SND1: variants seen among roughly 807,000 people sequenced by gnomAD.
SND1 encodes staphylococcal nuclease and tudor domain containing 1, also known as staphylococcal nuclease domain-containing protein 1.
A neutral mutation model predicts 121.7 loss-of-function variants in SND1; 38 were observed. The ratio of observed to expected loss-of-function variants is 0.31; its 90% confidence interval spans 0.24 to 0.41. SND1 has a LOEUF of 0.41. Among genes scored for constraint, SND1 ranks in the 10% least tolerant of loss-of-function variants. The pLI, the probability that SND1 is intolerant of heterozygous loss-of-function variation, is 1.00. For synonymous variants in SND1, 401 were observed against 447.4 expected (o/e 0.90, Z 1.31); for missense variants, 868 against 1,184.6 (o/e 0.73, Z 3.92).
chr7:127,944,852 A>G (rs1801291129), intron 15 of SND1, among the ~76,000 whole-genome samples: 2 of 152,148 alleles, frequency 1.3e-5, no homozygotes, highest in Non-Finnish European at 2.9e-5. Flanking sequence ...GGGTAATGCC[A>G]CCTCGTATAA....
At chr7:127,834,199 CT>C (rs972813683) in intron 11 of SND1, among the ~76,000 whole-genome samples, 7 of 152,170 alleles carry the variant, frequency 4.6e-5, no homozygotes, top group Non-Finnish European at 7.3e-5. Context: ...TCCAATTCCA[CT>C]GATGTATACC....
chr7:127,866,162 A>G (rs1799471306), intron 12 of SND1, among the ~76,000 whole-genome samples: 1 of 152,196 alleles, frequency 6.6e-6, no homozygotes, highest in South Asian at 2.1e-4. Context: ...CATATCGGCC[A>G]GACATACTGA....
At chr7:127,758,734 G>A (rs1228407397) in intron 10 of SND1, among the ~76,000 whole-genome samples, 2 of 152,070 alleles carry the variant, frequency 1.3e-5, no homozygotes, top group Non-Finnish European at 2.9e-5. Context: ...AATTTTCAAA[G>A]GGAGGAGATA....
intron 1 of SND1, among the ~76,000 whole-genome samples, chr7:127,661,611 T>C (rs1316158334): frequency 2.0e-5 from 3 of 152,164 alleles, no homozygotes; most frequent in Non-Finnish European, 4.4e-5. Context: ...AAAATAATTC[T>C]CAGGTCTTAC....
chr7:128,034,135 C>G (rs561685603), intron 16 of SND1, among the ~76,000 whole-genome samples: 1 of 152,290 alleles, frequency 6.6e-6, no homozygotes, highest in Non-Finnish European at 1.5e-5. Context: ...ATGTTTTCAT[C>G]ACTAACAGGA....
intron 1 of SND1, among the ~76,000 whole-genome samples, chr7:127,660,954 C>G (rs966442063): frequency 1.3e-5 from 2 of 152,132 alleles, no homozygotes; most frequent in Non-Finnish European, 2.9e-5. Flanking sequence ...AAAGCCACTC[C>G]TAGGCTATTC....
chr7:128,055,350 C>T (rs1422717905), intron 16 of SND1, among the ~76,000 whole-genome samples: 1 of 152,154 alleles, frequency 6.6e-6, no homozygotes, highest in Non-Finnish European at 1.5e-5. Flanking sequence ...GCCCCTGTAG[C>T]TTCAAAGTTA....
intron 10 of SND1, among the ~76,000 whole-genome samples, chr7:127,787,010 T>A (rs1797825755): frequency 6.6e-6 from 1 of 152,220 alleles, no homozygotes; most frequent in African/African-American, 2.4e-5. Flanking sequence ...GATTAATGGA[T>A]GTGATATCCT....
intron 16 of SND1, among the ~76,000 whole-genome samples, chr7:128,034,497 A>G (rs1792711730): frequency 6.6e-6 from 1 of 152,198 alleles, no homozygotes; most frequent in African/African-American, 2.4e-5. Context: ...CTCCTCAGGC[A>G]ACAGGGTCTC....
At chr7:128,082,079 G>A in intron 18 of SND1, 1 of 424,480 alleles carries the variant, frequency 2.4e-6, no homozygotes, top group Non-Finnish European at 4.9e-6. Flanking sequence ...CGTCCTGAGT[G>A]GTGTGCACTG....
At chr7:127,705,952 A>G (rs1467366584) in intron 8 of SND1, among the ~76,000 whole-genome samples, 1 of 152,200 alleles carries the variant, frequency 6.6e-6, no homozygotes, top group African/African-American at 2.4e-5. Context: ...TTGAGTACCT[A>G]TAAGCAGAAG....
chr7:127,679,713 A>G (rs905672268), intron 1 of SND1, among the ~76,000 whole-genome samples: 4 of 152,206 alleles, frequency 2.6e-5, no homozygotes, highest in Admixed American at 2.0e-4. Flanking sequence ...GGCTTCTTTT[A>G]CTTAACATAA....
chr7:127,939,866 C>A (rs1375562061), intron 15 of SND1, among the ~76,000 whole-genome samples: 6 of 152,166 alleles, frequency 3.9e-5, no homozygotes, highest in African/African-American at 1.2e-4. Context: ...CTCCTGAATT[C>A]TCTGACTAGT....
intron 13 of SND1, among the ~76,000 whole-genome samples, chr7:127,892,951 C>T (rs1800037898): frequency 6.6e-6 from 1 of 152,124 alleles, no homozygotes; most frequent in Non-Finnish European, 1.5e-5. Context: ...CCCATATTGA[C>T]TTTCCAGCAT....
At chr7:127,807,768 G>C (rs905620699) in intron 11 of SND1, among the ~76,000 whole-genome samples, 195 bp downstream of exon 11, 4 of 152,076 alleles carry the variant, frequency 2.6e-5, no homozygotes, top group African/African-American at 7.3e-5. Context: ...TAAAATTGGG[G>C]CCCTGACCAC....
At chr7:127,887,236 A>T (rs1400284409) in intron 12 of SND1, among the ~76,000 whole-genome samples, 2 of 152,048 alleles carry the variant, frequency 1.3e-5, no homozygotes, top group Admixed American at 6.6e-5. Context: ...GGCTCAAGTG[A>T]TCCCAGCGCC....
At chr7:127,899,130 A>G (rs533735705) in intron 13 of SND1, among the ~76,000 whole-genome samples, 1 of 152,300 alleles carries the variant, frequency 6.6e-6, no homozygotes, top group East Asian at 1.9e-4. Context: ...TGTCTGTTAA[A>G]ATACTATAAT....
At chr7:128,040,759 A>C (rs780077612) in intron 16 of SND1, among the ~76,000 whole-genome samples, 1 of 152,210 alleles carries the variant, frequency 6.6e-6, no homozygotes, top group African/African-American at 2.4e-5. Flanking sequence ...ATGGCCTCCA[A>C]GCCGTTCTAA....
intron 15 of SND1, among the ~76,000 whole-genome samples, chr7:127,957,089 GA>G (rs1801612020): frequency 6.6e-6 from 1 of 152,194 alleles, no homozygotes; most frequent in South Asian, 2.1e-4. Flanking sequence ...GTGGCCAGTA[GA>G]ACAGCAAATT....
Sources: allele counts gnomAD v4.1 joint callset (sites outside exome capture counted in the v4.1 genomes callset), GRCh38; gene constraint gnomAD v4.1.1; transcripts MANE v1.5; gene names NCBI Gene and HGNC (gene_info 2026-07-23, HGNC 2026-07-21).